FBXL7: variants seen among roughly 807,000 people sequenced by gnomAD.
FBXL7 encodes F-box/LRR-repeat protein 7.
In FBXL7, 12 loss-of-function variants were observed where a neutral mutation model predicts 38.3. The observed-to-expected ratio is 0.31, with a 90% CI of 0.20 to 0.51. The LOEUF (loss-of-function observed/expected upper bound fraction) is 0.51, where lower values mean the gene tolerates loss of function less well. Among genes scored for constraint, FBXL7 ranks in the 20% least tolerant of loss-of-function variants. The pLI, the probability that FBXL7 is intolerant of heterozygous loss-of-function variation, is 0.98. For synonymous variants in FBXL7, 297 were observed against 300.9 expected, an observed-to-expected ratio of 0.99 and a Z score of 0.13; for missense variants, 567 against 676.4, an observed-to-expected ratio of 0.84 and a Z score of 1.79.
At chr5:15,845,612 CATT>C (rs1230771134) in intron 2 of FBXL7, among the ~76,000 whole-genome samples, 1 of 152,066 alleles carries the variant, frequency 6.6e-6, no homozygotes, top group African/African-American at 2.4e-5. Flanking sequence ...GTAGATTAAA[CATT>C]ATATCATTAC....
chr5:15,559,664 T>C (rs1048773417), intron 1 of FBXL7, among the ~76,000 whole-genome samples: 5 of 152,184 alleles, frequency 3.3e-5, no homozygotes, highest in Non-Finnish European at 7.3e-5. Context: ...ATATACCTAA[T>C]ATTTGATAAA....
intron 2 of FBXL7, among the ~76,000 whole-genome samples, chr5:15,698,609 C>T (rs1743419341): frequency 6.6e-6 from 1 of 152,124 alleles, no homozygotes; most frequent in Non-Finnish European, 1.5e-5. Context: ...CTTAGGTTGT[C>T]TCCAATTTAA....
intron 2 of FBXL7, among the ~76,000 whole-genome samples, chr5:15,796,097 C>T (rs752043425): frequency 2.0e-5 from 3 of 152,146 alleles, no homozygotes; most frequent in Admixed American, 6.5e-5. Context: ...TCAGAATCAA[C>T]TTTGAAAATT....
At chr5:15,720,936 T>C (rs1287880868) in intron 2 of FBXL7, among the ~76,000 whole-genome samples, 1 of 152,130 alleles carries the variant, frequency 6.6e-6, no homozygotes, top group East Asian at 1.9e-4. Context: ...GTGATAATTT[T>C]TAAATATAGT....
At chr5:15,828,751 C>G (rs951572611) in intron 2 of FBXL7, among the ~76,000 whole-genome samples, 1 of 152,088 alleles carries the variant, frequency 6.6e-6, no homozygotes, top group Non-Finnish European at 1.5e-5. Context: ...TGCCGTGTTA[C>G]GTTGGAAAGG....
intron 2 of FBXL7, among the ~76,000 whole-genome samples, chr5:15,791,998 C>G (rs777133343): frequency 3.3e-5 from 5 of 152,148 alleles, no homozygotes; most frequent in Non-Finnish European, 7.4e-5. Flanking sequence ...ACCCACATTG[C>G]AAGCACAACA....
At position 15,938,799 on chromosome 5, in the gene FBXL7, G is replaced by A; in HGVS notation, c.*1613G>A. On this transcript the variant is annotated 3_prime_UTR_variant, in exon 4 of 4. Transcript: ENST00000504595. ...GTCTATATTCTAGCCTCATTTGCAT[G>A]AAGTCAGATAGCCAGAAGAAATTCC... 2.5e-6 allele frequency: 1 copy of A among 394,168 alleles called. No individual in the cohort carries two copies. Among genetic ancestry groups the A allele is most frequent in the Non-Finnish European group, 4.5e-6 (1 of 223,738 alleles). The allele number at this position is 394,168 out of a possible 1,614,324, so 24.4% of individuals were successfully genotyped here. A position where few individuals can be genotyped will look rare whatever the true frequency, so the allele number is the denominator to read the frequency against.
intron 2 of FBXL7, among the ~76,000 whole-genome samples, chr5:15,860,059 T>C (rs900193086): frequency 7.9e-5 from 12 of 152,124 alleles, no homozygotes; most frequent in Non-Finnish European, 2.9e-5. Flanking sequence ...GGACTGTACA[T>C]CATAGAGATT....
At chr5:15,605,128 C>T (rs1391959601) in intron 1 of FBXL7, among the ~76,000 whole-genome samples, 1 of 152,182 alleles carries the variant, frequency 6.6e-6, no homozygotes, top group East Asian at 1.9e-4. Flanking sequence ...AGGGCAGTTG[C>T]TGACTCAGCA....
At chr5:15,527,106 G>A (rs1262177949) in intron 1 of FBXL7, among the ~76,000 whole-genome samples, 6 of 152,148 alleles carry the variant, frequency 3.9e-5, no homozygotes, top group African/African-American at 7.2e-5. Flanking sequence ...AATAGAAAAC[G>A]TACACTGTTT....
At chr5:15,765,027 A>G (rs1015594305) in intron 2 of FBXL7, among the ~76,000 whole-genome samples, 4 of 152,242 alleles carry the variant, frequency 2.6e-5, no homozygotes, top group African/African-American at 9.6e-5. Context: ...TTATTGTATT[A>G]TAGATCCAGT....
intron 2 of FBXL7, among the ~76,000 whole-genome samples, chr5:15,878,798 T>G (rs74444831): frequency 1.3e-5 from 2 of 152,200 alleles, no homozygotes; most frequent in Admixed American, 6.5e-5. Flanking sequence ...ACTTAGGGTC[T>G]TCATATATTC....
chr5:15,734,011 G>A (rs1002768567), intron 2 of FBXL7, among the ~76,000 whole-genome samples: 2 of 152,038 alleles, frequency 1.3e-5, no homozygotes, highest in African/African-American at 4.8e-5. Flanking sequence ...GGAGACTGGG[G>A]CAGGAGAATC....
chr5:15,520,148 T>A (rs1737059054), intron 1 of FBXL7, among the ~76,000 whole-genome samples: 1 of 152,204 alleles, frequency 6.6e-6, no homozygotes, highest in South Asian at 2.1e-4. Flanking sequence ...GAGGTCACTC[T>A]TGTGGCCATC....
At chr5:15,841,643 T>G (rs1445184839) in intron 2 of FBXL7, among the ~76,000 whole-genome samples, 2 of 152,170 alleles carry the variant, frequency 1.3e-5, no homozygotes, top group South Asian at 4.1e-4. Flanking sequence ...TAAAATACAT[T>G]TTCCCTATGA....
intron 2 of FBXL7, among the ~76,000 whole-genome samples, chr5:15,918,746 G>T (rs1412283834): frequency 2.0e-5 from 3 of 152,184 alleles, no homozygotes; most frequent in Non-Finnish European, 4.4e-5. Context: ...TATCAGACTG[G>T]TCCATGTGAC....
At chr5:15,748,175 G>T (rs931304942) in intron 2 of FBXL7, among the ~76,000 whole-genome samples, 1 of 152,244 alleles carries the variant, frequency 6.6e-6, no homozygotes, top group Admixed American at 6.5e-5. Context: ...CATCTTGTGG[G>T]TAGAGAGTAG....
chr5:15,849,694 C>G (rs1739034962), intron 2 of FBXL7, among the ~76,000 whole-genome samples: 1 of 152,172 alleles, frequency 6.6e-6, no homozygotes, highest in African/African-American at 2.4e-5. Context: ...TCTTTATTAG[C>G]AGAGTGGAAA....
chr5:15,567,324 T>C (rs1357940479), intron 1 of FBXL7, among the ~76,000 whole-genome samples: 1 of 152,208 alleles, frequency 6.6e-6, no homozygotes, highest in Non-Finnish European at 1.5e-5. Context: ...GCTGTACTTC[T>C]AGATTTCTAC....
Sources: allele counts gnomAD v4.1 joint callset (sites outside exome capture counted in the v4.1 genomes callset), GRCh38; gene constraint gnomAD v4.1.1; transcripts MANE v1.5; gene names NCBI Gene and HGNC (gene_info 2026-07-23, HGNC 2026-07-21).